The following SPIRE1 variants were observed in gnomAD, a reference collection of about 807,000 sequenced individuals.
SPIRE1 encodes spire type actin nucleation factor 1, also known as protein spire homolog 1.
A neutral mutation model predicts 94.1 loss-of-function variants in SPIRE1; 40 were observed. The observed-to-expected ratio is 0.43, with a 90% CI of 0.33 to 0.55. The LOEUF (loss-of-function observed/expected upper bound fraction) is 0.55. Among genes scored for constraint, SPIRE1 ranks in the 20% least tolerant of loss-of-function variants. The probability of loss-of-function intolerance (pLI) is 0.06; values close to 1 mark genes in which losing one functional copy is unlikely to be tolerated. For missense variants in SPIRE1, 838 were observed against 975.2 expected (o/e 0.86, Z 1.87); for synonymous variants, 376 against 371.7 (o/e 1.01, Z -0.13).
intron 2 of SPIRE1, among the ~76,000 whole-genome samples, chr18:12,569,078 T>C (rs143143625): frequency 0.015 from 2,243 of 152,296 alleles, 21 homozygotes; most frequent in South Asian, 0.062. Context: ...CGGTGGCTCA[T>C]GCCTGCAATC....
chr18:12,557,485 G>A (rs1395763035), intron 2 of SPIRE1, among the ~76,000 whole-genome samples: 2 of 152,212 alleles, frequency 1.3e-5, no homozygotes. Context: ...ATGCTGGCCC[G>A]CGAGCGCCTG....
chr18:12,538,573 C>G (rs2034911674), intron 3 of SPIRE1, among the ~76,000 whole-genome samples: 1 of 152,146 alleles, frequency 6.6e-6, no homozygotes, highest in Admixed American at 6.5e-5. Flanking sequence ...CTGGTAACTC[C>G]TCAACCCCTA....
At chr18:12,452,533 G>A in intron 14 of SPIRE1, 21 bp from the exon 15 acceptor site, 1 of 1,613,630 alleles carries the variant, frequency 6.2e-7, no homozygotes, top group East Asian at 2.2e-5. Flanking sequence ...AATCATAAAT[G>A]TTATTTGGCA....
chr18:12,587,889 A>G (rs1421132921), intron 2 of SPIRE1, among the ~76,000 whole-genome samples: 1 of 152,160 alleles, frequency 6.6e-6, no homozygotes, highest in Non-Finnish European at 1.5e-5. Context: ...TTTTTAATAT[A>G]CTCAGAGTTG....
intron 2 of SPIRE1, among the ~76,000 whole-genome samples, chr18:12,622,624 G>A (rs9960880): frequency 0.87 from 130,064 of 149,108 alleles, 57,360 homozygotes; most frequent in Non-Finnish European, 0.94. Context: ...GGGTTTCACT[G>A]TGTTAGCCAG....
chr18:12,516,190 A>T (rs1423004670), intron 4 of SPIRE1: 1 of 152,182 alleles, frequency 6.6e-6, no homozygotes, highest in African/African-American at 2.4e-5. Context: ...CCTCTGATAA[A>T]GATCCTTCTG....
chr18:12,587,478 G>C (rs896361096), intron 2 of SPIRE1, among the ~76,000 whole-genome samples: 2 of 151,086 alleles, frequency 1.3e-5, no homozygotes, highest in Non-Finnish European at 2.9e-5. Flanking sequence ...GAAAATAAAG[G>C]CTGGATCAAC....
At position 12,497,193 on chromosome 18, in the gene SPIRE1, T is replaced by C. The variant is rs150456034; in HGVS notation, c.973-1091A>G. On this transcript the variant is annotated intron_variant, in intron 6 of 16. Coordinates refer to ENST00000409402, the MANE Select transcript of SPIRE1 (RefSeq NM_001128626.2). ...ACTAAAGCACAGAGCAGAGGATATCTGCCTCCATCCACAAAACTTTTAAGT... is the reference window on the plus strand; with the variant it reads ...ACTAAAGCACAGAGCAGAGGATATCCGCCTCCATCCACAAAACTTTTAAGT... Among the ~76,000 whole-genome samples, 165 of 152,352 alleles carry C rather than the reference T, an allele frequency of 1.1e-3. 1 individual carries two copies. Among genetic ancestry groups the C allele is most frequent in the East Asian group, 6.2e-3 (32 of 5,182 alleles).
intron 5 of SPIRE1, among the ~76,000 whole-genome samples, chr18:12,509,775 A>G (rs1266489918): frequency 6.6e-6 from 1 of 152,142 alleles, no homozygotes; most frequent in African/African-American, 2.4e-5. Context: ...AGAGTGAAAG[A>G]AGCCAAACCA....
intron 10 of SPIRE1, among the ~76,000 whole-genome samples, chr18:12,470,954 G>A (rs186540228): frequency 4.6e-4 from 70 of 152,010 alleles, no homozygotes; most frequent in Non-Finnish European, 8.4e-4. Context: ...TATAGTTTCA[G>A]GGGCCAGTCT....
chr18:12,562,686 A>T (rs1253787604), intron 2 of SPIRE1, among the ~76,000 whole-genome samples: 4 of 118,988 alleles, frequency 3.4e-5, no homozygotes, highest in Non-Finnish European at 6.5e-5. Flanking sequence ...TTTTAAAAAA[A>T]TTTTGTAGAG....
intron 3 of SPIRE1, among the ~76,000 whole-genome samples, chr18:12,541,773 A>C (rs1015634108): frequency 6.6e-6 from 1 of 152,162 alleles, no homozygotes; most frequent in Non-Finnish European, 1.5e-5. Flanking sequence ...TCTTTTAAAA[A>C]TTAGAGTATT....
chr18:12,586,330 A>T (rs1041977888), intron 2 of SPIRE1, among the ~76,000 whole-genome samples: 1 of 152,198 alleles, frequency 6.6e-6, no homozygotes, highest in Non-Finnish European at 1.5e-5. Context: ...CCATAATCCT[A>T]AAACAGTAAG....
intron 16 of SPIRE1, 29 bp from the exon 17 acceptor site, chr18:12,449,925 C>T (rs752423437): frequency 2.5e-6 from 4 of 1,606,212 alleles, no homozygotes; most frequent in Non-Finnish European, 3.4e-6. Context: ...AGAAGCCCAG[C>T]ATTGTTACTT....
chr18:12,540,228 T>G (rs2034975105), intron 3 of SPIRE1, among the ~76,000 whole-genome samples: 1 of 152,212 alleles, frequency 6.6e-6, no homozygotes, highest in Non-Finnish European at 1.5e-5. Context: ...TTCCTTCCAC[T>G]TTGTTTTGGT....
At chr18:12,623,849 A>G (rs2037544529) in intron 2 of SPIRE1, among the ~76,000 whole-genome samples, 1 of 151,720 alleles carries the variant, frequency 6.6e-6, no homozygotes, top group Admixed American at 6.6e-5. Context: ...GCTGGTCTCG[A>G]ACTCCTGACC....
In SPIRE1 at chr18:12,549,439, G is replaced by GTTTTTTTT. The variant is rs869122444; in HGVS notation, c.373-2543_373-2536dup. Among the ~76,000 whole-genome samples the GTTTTTTTT allele has an allele frequency of 3.7e-3, 151 of 41,266 alleles. 24 individuals are homozygous for GTTTTTTTT. Among genetic ancestry groups the GTTTTTTTT allele is most frequent in the Non-Finnish European group, 4.3e-3 (112 of 25,948 alleles). The allele number at this position is 41,266 out of a possible 152,430, so 27.1% of individuals were successfully genotyped here. ...CTTTTTGTTTGTTTTTGTTATTGTTGTTTTTTTTTTTTTTTTTTTTTTTTT... is the reference window on the plus strand; with the variant it reads ...CTTTTTGTTTGTTTTTGTTATTGTTGTTTTTTTTTTTTTTTTTTTTTTTTTTTTTTTTT... On this transcript the variant is annotated intron_variant, in intron 2 of 16. Transcript: ENST00000409402.
chr18:12,647,130 A>G (rs942714068), intron 1 of SPIRE1, among the ~76,000 whole-genome samples: 11 of 152,068 alleles, frequency 7.2e-5, no homozygotes, highest in African/African-American at 2.4e-4. Flanking sequence ...TGGTATTATT[A>G]GGAATATAAA....
chr18:12,639,402 C>T (rs2038024566), intron 1 of SPIRE1, among the ~76,000 whole-genome samples: 1 of 152,154 alleles, frequency 6.6e-6, no homozygotes, highest in African/African-American at 2.4e-5. Context: ...TCCCTTGATG[C>T]TATACTGGTA....
Sources: allele counts gnomAD v4.1 joint callset (sites outside exome capture counted in the v4.1 genomes callset), GRCh38; gene constraint gnomAD v4.1.1; transcripts MANE v1.5; gene names NCBI Gene and HGNC (gene_info 2026-07-23, HGNC 2026-07-21).